ARID1B: variants seen among roughly 807,000 people sequenced by gnomAD.
ARID1B encodes AT-rich interactive domain-containing protein 1B.
In ARID1B, 30 loss-of-function variants were observed where a neutral mutation model predicts 212.3. The ratio of observed to expected loss-of-function variants is 0.14; its 90% confidence interval spans 0.11 to 0.19. The LOEUF is 0.19. Ranked by LOEUF, ARID1B falls within the 10% of genes least tolerant of loss-of-function variation. The pLI, the probability that ARID1B is intolerant of heterozygous loss-of-function variation, is 1.00. For synonymous variants in ARID1B, 1,402 were observed against 1,301.7 expected (o/e 1.08, Z -1.66); for missense variants, 2,891 against 3,204.0 (o/e 0.90, Z 2.36).
intron 6 of ARID1B, among the ~76,000 whole-genome samples, chr6:157,117,814 A>G (rs1031944386): frequency 6.6e-6 from 1 of 152,218 alleles, no homozygotes; most frequent in African/African-American, 2.4e-5. Context: ...ACTCACTGTT[A>G]GTATTTTGAG....
chr6:157,108,333 T>A (rs1049628611), intron 5 of ARID1B, among the ~76,000 whole-genome samples: 1 of 152,220 alleles, frequency 6.6e-6, no homozygotes, highest in African/African-American at 2.4e-5. Context: ...TGAAATATTG[T>A]GCATAAGAGC....
At chr6:156,965,619 G>T (rs1794689447) in intron 4 of ARID1B, among the ~76,000 whole-genome samples, 1 of 152,152 alleles carries the variant, frequency 6.6e-6, no homozygotes, top group African/African-American at 2.4e-5. Flanking sequence ...GGAAAAATTT[G>T]TTATAATACA....
At chr6:156,901,264 G>A (rs1037638119) in intron 2 of ARID1B, 112 bp from the exon 3 acceptor site, 2 of 1,191,266 alleles carry the variant, frequency 1.7e-6, no homozygotes, top group Non-Finnish European at 2.4e-6. Context: ...GAAATATTGA[G>A]TTTAGTTGCT....
Position 157,084,847 on chromosome 6 carries a change from C to G in ARID1B, c.2433C>G (p.Gly811=), listed in dbSNP as rs776967149. ...IPGGPSPSPV[G]SPVGSNQSRS... ...GGGGCCCATCTCCCTCTCCTGTTGGCTCTCCTGTAGGAAGCAACCAGTCTC... is the reference window on the plus strand; with the variant it reads ...GGGGCCCATCTCCCTCTCCTGTTGGGTCTCCTGTAGGAAGCAACCAGTCTC... Residue 811 remains glycine (G), a synonymous_variant, in exon 5 of 20, where the codon GGC becomes GGG. Transcript: ENST00000636930. 1 of 1,614,172 alleles carries G rather than the reference C, an allele frequency of 6.2e-7. No individual in the cohort carries two copies.
At chr6:157,177,552 A>G (rs573760339) in intron 11 of ARID1B, among the ~76,000 whole-genome samples, 60 of 152,362 alleles carry the variant, frequency 3.9e-4, no homozygotes, top group African/African-American at 1.4e-3. Context: ...GTTACAGAAC[A>G]TTCTAAAATA....
intron 3 of ARID1B, among the ~76,000 whole-genome samples, chr6:156,907,906 A>C (rs564851961): frequency 0.018 from 1,831 of 101,912 alleles, 38 homozygotes; most frequent in African/African-American, 0.065. Context: ...AGACTGTCTC[A>C]AAAAAAAAAA....
intron 2 of ARID1B, among the ~76,000 whole-genome samples, chr6:156,851,180 CTGTG>C (rs1784557737): frequency 6.6e-6 from 1 of 152,258 alleles, no homozygotes; most frequent in South Asian, 2.1e-4. Context: ...TGGCCTCTCT[CTGTG>C]TGTGCCAGAG....
chr6:156,786,180 T>C (rs1779615423), intron 1 of ARID1B, among the ~76,000 whole-genome samples: 1 of 152,158 alleles, frequency 6.6e-6, no homozygotes. Flanking sequence ...TTAGTGAAAA[T>C]CATTTATAGT....
At chr6:157,005,694 A>G (rs1298842402) in intron 4 of ARID1B, among the ~76,000 whole-genome samples, 2 of 152,194 alleles carry the variant, frequency 1.3e-5, no homozygotes, top group Non-Finnish European at 2.9e-5. Context: ...ACCACATCCC[A>G]ATACCGTAAA....
intron 4 of ARID1B, among the ~76,000 whole-genome samples, chr6:156,987,703 CTTTTG>C (rs1778018665): frequency 1.3e-5 from 2 of 152,132 alleles, no homozygotes; most frequent in African/African-American, 4.8e-5. Context: ...CTTGTGGAAT[CTTTTG>C]TTTTGTTTTG....
At chr6:156,910,190 C>A in intron 3 of ARID1B, among the ~76,000 whole-genome samples, 1 of 152,196 alleles carries the variant, frequency 6.6e-6, no homozygotes, top group Non-Finnish European at 1.5e-5. Context: ...ATGATGGTCT[C>A]TGGGGCTGTT....
chr6:157,184,047 C>T (rs145539731), intron 12 of ARID1B, among the ~76,000 whole-genome samples, 184 bp from the exon 13 acceptor site: 221 of 152,298 alleles, frequency 1.5e-3, no homozygotes, highest in Non-Finnish European at 2.2e-3. Flanking sequence ...TTGCCATCAG[C>T]AGGTTCCCTA....
chr6:156,999,173 G>A lies in ARID1B; in HGVS notation c.2247+63597G>A, dbSNP rs146845782. Among the ~76,000 whole-genome samples the A allele has an allele frequency of 1.2e-3, 176 of 152,338 alleles. No individual in the cohort carries two copies. In the Middle Eastern group the frequency reaches 0.044, roughly 38 times the overall value. On this transcript the variant is annotated intron_variant, in intron 4 of 19. Transcript: ENST00000636930. Reference sequence around the variant, plus strand: ...CTGTACTTACGTATGAGGCACAGCTGCTTTCCAGTGTAGGAATTTACTGTA... The same window carrying A: ...CTGTACTTACGTATGAGGCACAGCTACTTTCCAGTGTAGGAATTTACTGTA...
intron 4 of ARID1B, among the ~76,000 whole-genome samples, chr6:157,039,759 A>T (rs145129895): frequency 0.26 from 16,668 of 63,346 alleles, 1,871 homozygotes; most frequent in East Asian, 0.51. Flanking sequence ...CTTCCTTCCT[A>T]CCTTCCTACC....
Position 156,897,264 on chromosome 6 carries a change from CTTA to C in ARID1B, c.1987-4088_1987-4086del, listed in dbSNP as rs1163995525. 4.9e-3 allele frequency among the ~76,000 whole-genome samples: 407 copies of C among 83,554 alleles called. 2 individuals carry two copies. Among genetic ancestry groups the C allele is most frequent in the South Asian group, 0.012 (26 of 2,150 alleles). The allele number at this position is 83,554 out of a possible 152,430, so 54.8% of individuals were successfully genotyped here. A position where few individuals can be genotyped will look rare whatever the true frequency, so the allele number is the denominator to read the frequency against. On this transcript the variant is annotated intron_variant, in intron 2 of 19. Transcript: ENST00000636930. Reference sequence around the variant, plus strand: ...TCTTCTTCTTCTTCTTCTTCTTCTTCTTATTATTATTATTATTATTATTATTTG... The same window carrying C: ...TCTTCTTCTTCTTCTTCTTCTTCTTCTTATTATTATTATTATTATTATTTG...
At chr6:156,896,250 G>C (rs1317105908) in intron 2 of ARID1B, among the ~76,000 whole-genome samples, 1 of 152,144 alleles carries the variant, frequency 6.6e-6, no homozygotes, top group Non-Finnish European at 1.5e-5. Context: ...CATGGGGTCA[G>C]TGTACCTTTA....
At chr6:156,846,098 A>G (rs1047472028) in intron 2 of ARID1B, among the ~76,000 whole-genome samples, 7 of 151,952 alleles carry the variant, frequency 4.6e-5, no homozygotes, top group African/African-American at 1.7e-4. Flanking sequence ...TTCCTGGTCC[A>G]TATTTCCTTT....
intron 1 of ARID1B, among the ~76,000 whole-genome samples, chr6:156,828,262 A>G (rs1782898366): frequency 6.6e-6 from 1 of 151,872 alleles, no homozygotes; most frequent in African/African-American, 2.4e-5. Flanking sequence ...GGGTCTTGTG[A>G]TGTTGCCAGG....
At chr6:157,075,747 G>A (rs1267377298) in intron 4 of ARID1B, among the ~76,000 whole-genome samples, 2 of 152,216 alleles carry the variant, frequency 1.3e-5, no homozygotes, top group Admixed American at 6.5e-5. Context: ...CACTTCTGTG[G>A]TATTTTCCCC....
Sources: gnomAD v4.1 joint callset for allele counts (sites outside exome capture counted in the v4.1 genomes callset) on GRCh38, gnomAD v4.1.1 for gene constraint, MANE v1.5 for transcripts, NCBI Gene and HGNC (gene_info 2026-07-23, HGNC 2026-07-21) for gene names.